The following PI4KB variants were observed in gnomAD, a reference collection of about 807,000 sequenced individuals.
PI4KB encodes phosphatidylinositol 4-kinase beta.
A neutral mutation model predicts 81.4 loss-of-function variants in PI4KB; 23 were observed. The observed-to-expected ratio is 0.28, with a 90% CI of 0.20 to 0.40. PI4KB has a LOEUF of 0.40. Among genes scored for constraint, PI4KB ranks in the 10% least tolerant of loss-of-function variants. PI4KB has a pLI of 1.00. For missense variants in PI4KB, 651 were observed against 1,036.6 expected (o/e 0.63, Z 5.11); for synonymous variants, 381 against 406.8 (o/e 0.94, Z 0.76).
At position 151,292,651 on chromosome 1, in the gene PI4KB, A is replaced by C; in HGVS notation, c.*201T>G. 1.7e-6 allele frequency: 1 copy of C among 583,040 alleles called. No individual in the cohort carries two copies. The highest frequency in any genetic ancestry group is 2.1e-5 in the South Asian group (1 of 48,298). The allele number at this position is 583,040 out of a possible 1,614,324, so 36.1% of individuals were successfully genotyped here. ...GACCAGGAGGGGCAGGGAAGCCCCA[A>C]CAAGTCTGGACCCCACAGCTGGCTC... On this transcript the variant is annotated 3_prime_UTR_variant, in exon 12 of 12. Transcript: ENST00000368873.
Position 151,310,210 on chromosome 1 carries a change from C to T in PI4KB, c.954+1G>A, listed in dbSNP as rs777053237. On this transcript the variant is annotated splice_donor_variant, in intron 3 of 11. Transcript: ENST00000368873. LOFTEE classifies it high-confidence loss of function. ...CCCCGTCCCAGCCTGGCCCCACTTA[C>T]GGAACTGAATGAATTATCAATACTC... is the stretch of plus-strand genomic sequence containing the variant. 9.4e-6 allele frequency: 15 copies of T among 1,592,330 alleles called. No individual in the cohort carries two copies. Among genetic ancestry groups the T allele is most frequent in the Non-Finnish European group, 1.2e-5 (14 of 1,167,804 alleles).
At chr1:151,299,783 A>C (rs955651724) in intron 8 of PI4KB, among the ~76,000 whole-genome samples, 2 of 152,200 alleles carry the variant, frequency 1.3e-5, no homozygotes, top group East Asian at 3.8e-4. Flanking sequence ...AGTATTAAAC[A>C]ATTAAGTGGC....
chr1:151,307,640 A>C lies in PI4KB; in HGVS notation c.1116T>G (p.Ala372=), dbSNP rs970897250. 1 of 1,614,198 alleles carries C rather than the reference A, an allele frequency of 6.2e-7. No homozygotes were observed. ...KLPARVWLPT[A]GFDHHVVRVP... The stretch of plus-strand genomic sequence containing the variant: ...CACGGACCACGTGGTGGTCAAAGCC[A>C]GCAGTGGGCAGCCAGACTCGGGCAG... The change falls in exon 4 of 12, where the codon GCT becomes GCG. Residue 372 remains alanine, a synonymous_variant. Transcript: ENST00000368873.
At chr1:151,318,289 C>A (rs1448163288) in intron 1 of PI4KB, among the ~76,000 whole-genome samples, 1 of 151,536 alleles carries the variant, frequency 6.6e-6, no homozygotes, top group East Asian at 1.9e-4. Flanking sequence ...TGGTGGCAGG[C>A]GCCTGTAATC....
At chr1:151,294,289 C>T in intron 10 of PI4KB, 120 bp downstream of exon 10, 3 of 1,458,728 alleles carry the variant, frequency 2.1e-6, no homozygotes, top group Non-Finnish European at 2.8e-6. Flanking sequence ...ACTCCTGCCT[C>T]ACCCCTAATT....
intron 2 of PI4KB, among the ~76,000 whole-genome samples, chr1:151,311,819 T>C (rs1435517804): frequency 6.6e-6 from 1 of 152,206 alleles, no homozygotes; most frequent in African/African-American, 2.4e-5. Context: ...CATCACACCA[T>C]ATCAAGCTAG....
At chr1:151,293,917 CCTCAACCGAGT>C in intron 11 of PI4KB, 90 bp downstream of exon 11, 2 of 1,336,386 alleles carry the variant, frequency 1.5e-6, no homozygotes, top group Non-Finnish European at 2.1e-6. Flanking sequence ...AACCCCCCTC[CCTCAACCGAGT>C]CTCGTGGGAT....
rs905571830 is a variant in PI4KB at position 151,292,767 on chromosome 1, G to T, written c.*85C>A. ...CTTGGGTGGATGGTTGGGTAGGTGGGGTTTCCTGGTTTGGGGTTTCTCAGA... is the reference window on the plus strand; with the variant it reads ...CTTGGGTGGATGGTTGGGTAGGTGGTGTTTCCTGGTTTGGGGTTTCTCAGA... On this transcript the variant is annotated 3_prime_UTR_variant, in exon 12 of 12. Coordinates refer to ENST00000368873, the MANE Select transcript of PI4KB (RefSeq NM_001369623.2). The T allele has an allele frequency of 3.3e-6, 4 of 1,225,894 alleles. No homozygotes were observed. In the South Asian group the frequency reaches 4.2e-5, roughly 13 times the overall value. The allele number at this position is 1,225,894 out of a possible 1,614,324, so 75.9% of individuals were successfully genotyped here. A position where few individuals can be genotyped will look rare whatever the true frequency, so the allele number is the denominator to read the frequency against.
chr1:151,318,310 A>G (rs566634276), intron 1 of PI4KB, among the ~76,000 whole-genome samples: 54 of 150,770 alleles, frequency 3.6e-4, no homozygotes, highest in East Asian at 2.4e-3. Flanking sequence ...CCAGCTACTC[A>G]GGAGGCTGAG....
In PI4KB at chr1:151,316,124, G is replaced by A. The variant is rs1359198357; in HGVS notation, c.358C>T (p.Arg120Trp). The change falls in exon 2 of 12, where the codon CGG becomes TGG. Residue 120 changes from arginine to tryptophan, a missense_variant. Arg to Trp is a moderately radical substitution (Grantham distance 101). Around this residue, in one of 5 missense-constraint regions of PI4KB, gnomAD observed 314 missense variants for 397.8 expected, o/e 0.79. Coordinates refer to ENST00000368873, the MANE Select transcript of PI4KB (RefSeq NM_001369623.2). ...SGTAKGARRR[R>W]QNNSAKQSWL... ...GACTGTTTAGCTGAGTTGTTCTGCC[G>A]CCGTCTTCTTGCTCCTTTGGCTGTG... 1.9e-6 allele frequency: 3 copies of A among 1,613,842 alleles called. No individual in the cohort carries two copies. The African/African-American group carries it at 4.0e-5, about 22-fold the overall frequency.
chr1:151,294,254 C>T, intron 10 of PI4KB, 116 bp from the exon 11 acceptor site: 2 of 1,491,610 alleles, frequency 1.3e-6, no homozygotes, highest in South Asian at 1.3e-5. Flanking sequence ...TTCCCCCTTC[C>T]TTATTGGGCA....
chr1:151,310,177 G>T, intron 3 of PI4KB, 34 bp downstream of exon 3: 1 of 1,553,270 alleles, frequency 6.4e-7, no homozygotes, highest in South Asian at 1.1e-5. Context: ...CACTGGGGGA[G>T]CCTGCCACCC....
At chr1:151,303,263 T>C in intron 6 of PI4KB, 1 of 301,932 alleles carries the variant, frequency 3.3e-6, no homozygotes, top group Non-Finnish European at 6.5e-6. Flanking sequence ...CCTCCCAAAG[T>C]GATGGGGTTA....
chr1:151,313,259 T>G (rs1366783341), intron 2 of PI4KB, among the ~76,000 whole-genome samples: 1 of 152,134 alleles, frequency 6.6e-6, no homozygotes, highest in African/African-American at 2.4e-5. Flanking sequence ...CCTGGGAACA[T>G]AGTATCTCCT....
At chr1:151,310,414 C>A (rs2101972485) in intron 2 of PI4KB, among the ~76,000 whole-genome samples, 159 bp from the exon 3 acceptor site, 1 of 152,328 alleles carries the variant, frequency 6.6e-6, no homozygotes, top group Non-Finnish European at 1.5e-5. Context: ...AGAAATGCTA[C>A]TTGCCCAGAT....
At position 151,298,815 on chromosome 1, in the gene PI4KB, T is replaced by C; in HGVS notation, c.2008A>G (p.Lys670Glu). ...GCAGCAGAAGTCACCTACCTGTCCT[T>C]GACTTGCAGCAGGTAGCAGACCAAG... ...YCLVCYLLQV[K>E]DRHNGNILLD... The change falls in exon 9 of 12, where the codon AAG (lysine) becomes GAG (glutamate). Residue 670 changes from lysine to glutamate, a missense_variant. Physicochemically the swap from Lys to Glu is moderately conservative, Grantham distance 56. Around this residue, in one of 5 missense-constraint regions of PI4KB, gnomAD observed 19 missense variants for 77.8 expected, o/e 0.24. Coordinates refer to ENST00000368873, the MANE Select transcript of PI4KB (RefSeq NM_001369623.2). 1 of 1,612,116 alleles carries C rather than the reference T, an allele frequency of 6.2e-7. No individual in the cohort carries two copies. Among genetic ancestry groups the C allele is most frequent in the Non-Finnish European group, 8.5e-7 (1 of 1,178,584 alleles).
At chr1:151,300,824 G>C (rs1695203831) in intron 8 of PI4KB, 1 of 152,328 alleles carries the variant, frequency 6.6e-6, no homozygotes, top group Non-Finnish European at 1.5e-5. Flanking sequence ...ATTCCTAGGA[G>C]GTCACCATAT....
Position 151,315,837 on chromosome 1 carries a change from C to A in PI4KB, c.645G>T (p.Leu215Phe). Residue 215 changes from leucine to phenylalanine, a missense_variant, in exon 2 of 12, where the codon TTG becomes TTT. Physicochemically the swap from Leu to Phe is conservative, Grantham distance 22. Transcript: ENST00000368873. ...GCATGTCTGAAGAATAGGCCCCAAG[C>A]AACAGGGCACACTGGAGGGAAAAGT... ...SINFSLQCAL[L>F]LGAYSSDMHI... 2 of 1,613,664 alleles carry A rather than the reference C, an allele frequency of 1.2e-6. No homozygotes were observed. Among genetic ancestry groups the A allele is most frequent in the South Asian group, 1.1e-5 (1 of 91,018 alleles).
rs1362316467 is a variant in PI4KB, at chr1:151,315,789, G to C, written c.693C>G (p.Ser231=). 1 of 1,612,716 alleles carries C rather than the reference G, an allele frequency of 6.2e-7. No individual in the cohort carries two copies. Among genetic ancestry groups the C allele is most frequent in the African/African-American group, 1.3e-5 (1 of 74,912 alleles). Reference sequence around the variant, plus strand: ...TCAGCTTCCGTAGCTTGGTCCCACGGGAGTGTCGTTGAGTGGAAATGTGCA... The same window carrying C: ...TCAGCTTCCGTAGCTTGGTCCCACGCGAGTGTCGTTGAGTGGAAATGTGCA... ...SDMHISTQRH[S]RGTKLRKLIL... is the part of the protein sequence containing the mutation. Residue 231 remains serine (S), a synonymous_variant, in exon 2 of 12, where the codon TCC becomes TCG. Coordinates refer to ENST00000368873, the MANE Select transcript of PI4KB (RefSeq NM_001369623.2).
Sources: allele counts gnomAD v4.1 joint callset (sites outside exome capture counted in the v4.1 genomes callset), GRCh38; gene constraint gnomAD v4.1.1; regional missense constraint gnomAD v4.1.1; transcripts MANE v1.5; gene names NCBI Gene and HGNC (gene_info 2026-07-23, HGNC 2026-07-21).